The following JAK1 variants were observed in gnomAD, a reference collection of about 807,000 sequenced individuals.
JAK1 encodes the protein tyrosine-protein kinase JAK1.
JAK1 carries 16 observed loss-of-function variants against 136.6 expected under a neutral mutation model. That is an observed-to-expected ratio of 0.12 (90% CI 0.08 to 0.18). The LOEUF is 0.18. Among genes scored for constraint, JAK1 ranks in the 10% least tolerant of loss-of-function variants. The pLI, the probability that JAK1 is intolerant of heterozygous loss-of-function variation, is 1.00. For missense variants in JAK1, 859 were observed against 1,450.1 expected, an observed-to-expected ratio of 0.59 and a Z score of 6.62; for synonymous variants, 492 against 519.5, an observed-to-expected ratio of 0.95 and a Z score of 0.72.
At position 64,873,259 on chromosome 1, in the gene JAK1, G is replaced by C. The variant is rs541647783; in HGVS notation, c.483+111C>G. ...GTGTGGCAAGAACTTACCCAGAACA[G>C]GCCTTAAAGCACTCTAGCACCACCA... is the stretch of plus-strand genomic sequence containing the variant. On this transcript the variant is annotated intron_variant, in intron 5 of 24. Coordinates refer to ENST00000342505, the MANE Select transcript of JAK1 (RefSeq NM_002227.4). The C allele has an allele frequency of 7.9e-6, 10 of 1,260,130 alleles. No homozygotes were observed. The East Asian group carries it at 2.1e-4, about 27-fold the overall frequency. 78.1% of individuals were successfully genotyped at this position (1,260,130 alleles called of 1,614,324 possible). A position where few individuals can be genotyped will look rare whatever the true frequency, so the allele number is the denominator to read the frequency against.
At chr1:65,062,167 T>TA (rs1647821550) in intron 1 of JAK1, among the ~76,000 whole-genome samples, 1 of 152,108 alleles carries the variant, frequency 6.6e-6, no homozygotes, top group African/African-American at 2.4e-5. Flanking sequence ...GACTGGCCCA[T>TA]ATATTACATT....
chr1:64,928,261 G>A (rs2100420683), intron 1 of JAK1, among the ~76,000 whole-genome samples: 1 of 152,270 alleles, frequency 6.6e-6, no homozygotes, highest in East Asian at 1.9e-4. Flanking sequence ...TATCATATTG[G>A]CCTCTAGTAC....
intron 2 of JAK1, among the ~76,000 whole-genome samples, chr1:64,981,717 G>A (rs1270525210): frequency 6.6e-6 from 1 of 152,166 alleles, no homozygotes; most frequent in Admixed American, 6.5e-5. Context: ...CCAGCCATCT[G>A]CTTTCATTCT....
At chr1:65,015,115 G>T (rs1646882384) in intron 2 of JAK1, among the ~76,000 whole-genome samples, 1 of 152,188 alleles carries the variant, frequency 6.6e-6, no homozygotes, top group South Asian at 2.1e-4. Context: ...AAGGAATTCA[G>T]AAGGGTGTCA....
At chr1:65,059,144 G>GAAA (rs34865486) in intron 1 of JAK1, among the ~76,000 whole-genome samples, 3 of 137,666 alleles carry the variant, frequency 2.2e-5, no homozygotes, top group African/African-American at 2.7e-5. Context: ...TTTATAGGCA[G>GAAA]AAAAAAAAAA....
At position 64,833,434 on chromosome 1, in the gene JAK1, AT is replaced by A. The variant is rs2100917661; in HGVS notation, c.*1127del. 4.3e-6 allele frequency: 1 copy of A among 232,988 alleles called. No homozygotes were observed. Among genetic ancestry groups the A allele is most frequent in the Admixed American group, 5.6e-5 (1 of 17,778 alleles). The allele number at this position is 232,988 out of a possible 1,614,324, so 14.4% of individuals were successfully genotyped here. A position where few individuals can be genotyped will look rare whatever the true frequency, so the allele number is the denominator to read the frequency against. On this transcript the variant is annotated 3_prime_UTR_variant, in exon 25 of 25. Coordinates refer to ENST00000342505, the MANE Select transcript of JAK1 (RefSeq NM_002227.4). The stretch of plus-strand genomic sequence containing the variant: ...GAATACTAAACAGCATAACAAAAAG[AT>A]TTTCAGACTCTTGGTCATAAAGACC...
chr1:65,045,946 C>T (rs1251500959), intron 1 of JAK1, among the ~76,000 whole-genome samples: 7 of 152,206 alleles, frequency 4.6e-5, no homozygotes, highest in Non-Finnish European at 1.0e-4. Context: ...CAGTTAATCT[C>T]TTCTAATCTG....
chr1:65,047,662 T>G (rs1465966225), intron 1 of JAK1, among the ~76,000 whole-genome samples: 1 of 150,632 alleles, frequency 6.6e-6, no homozygotes, highest in Non-Finnish European at 1.5e-5. Flanking sequence ...GAGCTTGCAG[T>G]GCGCCGAGAT....
At chr1:64,886,165 A>G in intron 2 of JAK1, 94 bp downstream of exon 2, 1 of 764,958 alleles carries the variant, frequency 1.3e-6, no homozygotes, top group Non-Finnish European at 2.2e-6. Flanking sequence ...TAAAGGCAAT[A>G]GCACCAATAG....
chr1:64,834,699 T>C (rs774946640), intron 24 of JAK1, 42 bp from the exon 25 acceptor site: 2 of 1,272,028 alleles, frequency 1.6e-6, no homozygotes, highest in Non-Finnish European at 2.3e-6. Context: ...ATGTTAGATC[T>C]GGGAACTTTA....
chr1:64,996,426 T>C (rs1457613534), intron 2 of JAK1, among the ~76,000 whole-genome samples: 1 of 152,266 alleles, frequency 6.6e-6, no homozygotes, highest in Non-Finnish European at 1.5e-5. Context: ...ATATTATAGA[T>C]ACAGTGATAT....
intron 13 of JAK1, among the ~76,000 whole-genome samples, chr1:64,847,135 A>T (rs1655287952): frequency 2.0e-5 from 3 of 152,214 alleles, no homozygotes; most frequent in Admixed American, 6.5e-5. Flanking sequence ...GTGTCACTCT[A>T]ATAGTCTGTA....
chr1:64,885,809 C>T (rs1644843784), intron 2 of JAK1, among the ~76,000 whole-genome samples: 1 of 151,464 alleles, frequency 6.6e-6, no homozygotes, highest in Non-Finnish European at 1.5e-5. Context: ...TAGGAGAGGA[C>T]TCACTAAACA....
At chr1:64,927,938 C>T (rs894562679) in intron 1 of JAK1, among the ~76,000 whole-genome samples, 8 of 152,168 alleles carry the variant, frequency 5.3e-5, no homozygotes, top group Non-Finnish European at 8.8e-5. Flanking sequence ...CTAGCCAGGC[C>T]ACACTCTCTG....
chr1:64,898,241 T>C (rs1645054471), intron 1 of JAK1, among the ~76,000 whole-genome samples: 2 of 152,244 alleles, frequency 1.3e-5, no homozygotes, highest in Admixed American at 1.3e-4. Flanking sequence ...ATTCTGCTGC[T>C]GGTGACTCAT....
chr1:64,902,551 T>TGAGAGAGAGAGA lies in JAK1; in HGVS notation c.-77-16222_-77-16211dup, dbSNP rs142393341. Among the ~76,000 whole-genome samples the TGAGAGAGAGAGA allele has an allele frequency of 2.0e-4, 20 of 102,418 alleles. No individual in the cohort carries two copies. In the East Asian group the frequency reaches 2.1e-3, roughly 11 times the overall value. 67.2% of individuals were successfully genotyped at this position (102,418 alleles called of 152,430 possible). Reference sequence around the variant, plus strand: ...CATGGTGCCTTTACTCATGAATTTGTGAGAGAGAGAGAGAGAGAGAGAGAG... The same window carrying TGAGAGAGAGAGA: ...CATGGTGCCTTTACTCATGAATTTGTGAGAGAGAGAGAGAGAGAGAGAGAGAGAGAGAGAGAG... On this transcript the variant is annotated intron_variant, in intron 1 of 24. Coordinates refer to ENST00000342505, the MANE Select transcript of JAK1 (RefSeq NM_002227.4).
At chr1:64,839,354 G>T in intron 20 of JAK1, 1 of 399,126 alleles carries the variant, frequency 2.5e-6, no homozygotes. Context: ...TAAGGCATAA[G>T]TGCAAGTGAC....
Position 64,984,657 on chromosome 1 carries a change from GAC to G in JAK1, c.-78+59821_-78+59822del, listed in dbSNP as rs1020863604. The stretch of plus-strand genomic sequence containing the variant: ...CAGGCTGGATACTGTTCATCTCCAT[GAC>G]ACAGTCCTTCCAGATCTATTTGCAT... On this transcript the variant is annotated intron_variant, in intron 2 of 25. Transcript: ENST00000671954. This position sits in a 1 kb window ranked among gnomAD's most constrained non-coding sequence, Gnocchi z 4.1. The G allele has an allele frequency of 3.6e-6, 2 of 551,734 alleles. No homozygotes were observed. Among genetic ancestry groups the G allele is most frequent in the Non-Finnish European group, 3.4e-6 (1 of 295,594 alleles). The allele number at this position is 551,734 out of a possible 1,614,324, so 34.2% of individuals were successfully genotyped here. A position where few individuals can be genotyped will look rare whatever the true frequency, so the allele number is the denominator to read the frequency against.
At chr1:65,065,737 A>T (rs1648011386) in intron 1 of JAK1, among the ~76,000 whole-genome samples, 1 of 150,648 alleles carries the variant, frequency 6.6e-6, no homozygotes, top group Non-Finnish European at 1.5e-5. Context: ...GCCTGGGGAA[A>T]GAAAGCCAGA....
Sources: allele counts gnomAD v4.1 joint callset (sites outside exome capture counted in the v4.1 genomes callset), GRCh38; gene constraint gnomAD v4.1.1; non-coding constraint Gnocchi (gnomAD v3.1); transcripts MANE v1.5; gene names NCBI Gene and HGNC (gene_info 2026-07-23, HGNC 2026-07-21).